RIPOR2: variants seen among roughly 807,000 people sequenced by gnomAD.
RIPOR2 encodes rho family-interacting cell polarization regulator 2.
Under a neutral mutation model 114.5 loss-of-function variants are expected in RIPOR2, and 39 were observed. The ratio of observed to expected loss-of-function variants is 0.34; its 90% CI spans 0.26 to 0.44. The LOEUF (loss-of-function observed/expected upper bound fraction) is 0.44, where lower values mean the gene tolerates loss of function less well. RIPOR2 is among the 20% of genes least tolerant of loss of function. The pLI, the probability that RIPOR2 is intolerant of heterozygous loss-of-function variation, is 1.00. For missense variants in RIPOR2, 1,007 were observed against 1,255.1 expected (o/e 0.80, Z 2.99); for synonymous variants, 445 against 484.4 (o/e 0.92, Z 1.07).
In RIPOR2 at chr6:24,804,510, C is replaced by A. The variant is rs1269453420; in HGVS notation, c.*1863G>T. The A allele has an allele frequency of 6.6e-6, 1 of 152,044 alleles. No homozygotes were observed. The highest frequency in any genetic ancestry group is 1.5e-5 in the Non-Finnish European group (1 of 68,008). 9.4% of individuals were successfully genotyped at this position (152,044 alleles called of 1,614,324 possible). A position where few individuals can be genotyped will look rare whatever the true frequency, so the allele number is the denominator to read the frequency against. ...TGTGTTTGACTTTCTATAAAAAGAA[C>A]CATTTCAACCATTTAACATAAGCTA... On this transcript the variant is annotated 3_prime_UTR_variant, in exon 22 of 22. Transcript: ENST00000643898.
chr6:24,864,178 C>T (rs1764355789), intron 7 of RIPOR2, among the ~76,000 whole-genome samples: 1 of 152,022 alleles, frequency 6.6e-6, no homozygotes, highest in South Asian at 2.1e-4. Context: ...GTGGCACACA[C>T]CTGTAGTCCC....
At chr6:24,828,003 T>C in intron 18 of RIPOR2, 134 bp downstream of exon 18, 2 of 718,024 alleles carry the variant, frequency 2.8e-6, no homozygotes, top group South Asian at 3.0e-5. Flanking sequence ...CAAAAGTCAC[T>C]TAAAAGGCAA....
chr6:24,965,833 T>C (rs537981115), intron 1 of RIPOR2, among the ~76,000 whole-genome samples: 2 of 152,366 alleles, frequency 1.3e-5, no homozygotes, highest in South Asian at 2.1e-4. Flanking sequence ...AGAGCCATTG[T>C]ATAGGCCCTT....
intron 1 of RIPOR2, among the ~76,000 whole-genome samples, chr6:25,020,462 C>T (rs965333318): frequency 4.6e-5 from 7 of 152,220 alleles, no homozygotes; most frequent in African/African-American, 1.4e-4. Flanking sequence ...TCCAATAAGT[C>T]AATGTGATAT....
chr6:24,893,662 AATTTTC>A (rs369363781), intron 1 of RIPOR2, among the ~76,000 whole-genome samples: 233 of 152,296 alleles, frequency 1.5e-3, no homozygotes, highest in African/African-American at 5.4e-3. Flanking sequence ...AGATCTACCT[AATTTTC>A]CACTCCACTC....
chr6:24,847,523 C>G (rs140804253), intron 12 of RIPOR2: 2 of 1,548,808 alleles, frequency 1.3e-6, no homozygotes, highest in South Asian at 1.2e-5. Flanking sequence ...CACTCCATAC[C>G]CGGGCAGGCC....
Position 24,983,756 on chromosome 6 carries a change from C to CAAAAAAAA in RIPOR2, c.76+58087_76+58094dup, listed in dbSNP as rs34480037. ...TGGGCAACAGAACGAGACTGTGTCT[C>CAAAAAAAA]AAAAAAAAAAAAAAAAAAAAAAAAA... On this transcript the variant is annotated intron_variant, in intron 1 of 13. Coordinates refer to the RIPOR2 transcript ENST00000510784. Among the ~76,000 whole-genome samples the CAAAAAAAA allele has an allele frequency of 3.4e-4, 16 of 47,182 alleles. 1 individual carries two copies. The highest frequency in any genetic ancestry group is 1.0e-3 in the South Asian group (1 of 972). 31.0% of individuals were successfully genotyped at this position (47,182 alleles called of 152,430 possible).
chr6:24,946,109 G>A (rs940172180), intron 1 of RIPOR2, among the ~76,000 whole-genome samples: 3 of 151,000 alleles, frequency 2.0e-5, no homozygotes, highest in African/African-American at 7.3e-5. Context: ...TTGAGACAGA[G>A]TCTTACTCTG....
In RIPOR2 at chr6:24,859,485, C is replaced by T. The variant is rs556951404; in HGVS notation, c.715+1488G>A. ...GGGCCCACGTGGGACTATGGACCTG[C>T]GTGATTTTGGAACCACTGACTCAAG... On this transcript the variant is annotated intron_variant, in intron 8 of 21. Coordinates refer to ENST00000643898, the MANE Select transcript of RIPOR2 (RefSeq NM_001286445.3). 4.6e-5 allele frequency among the ~76,000 whole-genome samples: 7 copies of T among 152,164 alleles called. No homozygotes were observed. The South Asian group carries it at 8.3e-4, about 18-fold the overall frequency.
chr6:24,924,847 G>T (rs992195114), intron 1 of RIPOR2, among the ~76,000 whole-genome samples: 6 of 152,114 alleles, frequency 3.9e-5, no homozygotes, highest in African/African-American at 1.4e-4. Context: ...TCTGTAAAAA[G>T]CTAGATAAAT....
intron 12 of RIPOR2, chr6:24,847,603 CTGCGG>C: frequency 6.4e-7 from 1 of 1,551,724 alleles, no homozygotes; most frequent in Non-Finnish European, 8.7e-7. Context: ...GAAGGAGCGG[CTGCGG>C]TGCAGCTTGG....
At chr6:25,023,901 G>A (rs1776464406) in intron 1 of RIPOR2, 5 of 722,480 alleles carry the variant, frequency 6.9e-6, no homozygotes, top group Middle Eastern at 3.2e-4. Context: ...GGTTCTTGGG[G>A]TTCTCCAGGA....
At chr6:24,969,503 C>T (rs1182055002) in intron 1 of RIPOR2, among the ~76,000 whole-genome samples, 1 of 152,182 alleles carries the variant, frequency 6.6e-6, no homozygotes, top group African/African-American at 2.4e-5. Flanking sequence ...AGTTGAATAA[C>T]TTTTTACTCA....
At chr6:24,946,463 C>T (rs1194895869) in intron 1 of RIPOR2, among the ~76,000 whole-genome samples, 1 of 152,042 alleles carries the variant, frequency 6.6e-6, no homozygotes, top group Non-Finnish European at 1.5e-5. Context: ...ATCCCAGCTA[C>T]TCAGGAGGCT....
At chr6:24,991,072 G>A (rs962604201) in intron 1 of RIPOR2, among the ~76,000 whole-genome samples, 2 of 152,152 alleles carry the variant, frequency 1.3e-5, no homozygotes, top group Non-Finnish European at 2.9e-5. Flanking sequence ...AGCTACAATT[G>A]CAGCCAGGCA....
At chr6:24,840,881 G>T in intron 13 of RIPOR2, 1 of 1,068,504 alleles carries the variant, frequency 9.4e-7, no homozygotes, top group South Asian at 1.4e-5. Flanking sequence ...ACTCACTAGT[G>T]ATGTTTTCAG....
chr6:25,004,810 C>T (rs925337743), intron 1 of RIPOR2, among the ~76,000 whole-genome samples: 2 of 151,862 alleles, frequency 1.3e-5, no homozygotes, highest in African/African-American at 2.4e-5. Flanking sequence ...TGTGTGCATG[C>T]GCACGTGTGT....
intron 1 of RIPOR2, among the ~76,000 whole-genome samples, chr6:25,029,062 G>A (rs1776765912): frequency 6.6e-6 from 1 of 152,184 alleles, no homozygotes; most frequent in African/African-American, 2.4e-5. Flanking sequence ...GCCGAGGCAG[G>A]TGGATCATGA....
chr6:24,937,145 T>C (rs1423911288), upstream of RIPOR2, among the ~76,000 whole-genome samples: 1 of 152,196 alleles, frequency 6.6e-6, no homozygotes, highest in East Asian at 1.9e-4. Flanking sequence ...ATCCCTGCAT[T>C]GGTGGCTGCA....
Sources: gnomAD v4.1 joint callset for allele counts (sites outside exome capture counted in the v4.1 genomes callset) on GRCh38, gnomAD v4.1.1 for gene constraint, MANE v1.5 for transcripts, NCBI Gene and HGNC (gene_info 2026-07-23, HGNC 2026-07-21) for gene names.